The following CPLANE1 variants were observed in gnomAD, a reference collection of about 807,000 sequenced individuals.
The protein encoded by CPLANE1 is ciliogenesis and planar polarity effector 1.
Under a neutral mutation model 362.5 loss-of-function variants are expected in CPLANE1, and 263 were observed. That is an observed-to-expected ratio of 0.73 (90% CI 0.66 to 0.80). The LOEUF (loss-of-function observed/expected upper bound fraction) is 0.80. Among genes scored for constraint, CPLANE1 ranks in the 30% least tolerant of loss-of-function variants. The pLI is 0.00. For missense variants in CPLANE1, 3,461 were observed against 3,793.4 expected (o/e 0.91, Z 2.30); for synonymous variants, 1,212 against 1,302.6 (o/e 0.93, Z 1.50).
At chr5:37,103,716 G>T (rs952981097), downstream of CPLANE1, among the ~76,000 whole-genome samples, 2 of 152,116 alleles carry the variant, frequency 1.3e-5, no homozygotes, top group African/African-American at 2.4e-5. Context: ...TTGGCTTGTT[G>T]GGTTTCCACT....
In CPLANE1 at chr5:37,107,301, T is replaced by C. The variant is rs1272615673; in HGVS notation, c.*301A>G. 9.1e-7 allele frequency: 1 copy of C among 1,096,916 alleles called. No individual in the cohort carries two copies. The highest frequency in any genetic ancestry group is 1.1e-6 in the Non-Finnish European group (1 of 903,392). 67.9% of individuals were successfully genotyped at this position (1,096,916 alleles called of 1,614,324 possible). A position where few individuals can be genotyped will look rare whatever the true frequency, so the allele number is the denominator to read the frequency against. Reference sequence around the variant, plus strand: ...AGGAGGCAAGATAGAGGGTTTTTATTGAAAGTAGGTTATGCAAACTTGGCT... The same window carrying C: ...AGGAGGCAAGATAGAGGGTTTTTATCGAAAGTAGGTTATGCAAACTTGGCT... On this transcript the variant is annotated 3_prime_UTR_variant, in exon 53 of 53. Coordinates refer to ENST00000651892, the MANE Select transcript of CPLANE1 (RefSeq NM_001384732.1).
intron 20 of CPLANE1, among the ~76,000 whole-genome samples, chr5:37,196,714 G>A (rs561622698): frequency 5.8e-4 from 88 of 152,230 alleles, no homozygotes; most frequent in African/African-American, 2.0e-3. Context: ...ATCACTTGAC[G>A]TCAAGTTTGA....
At chr5:37,158,165 A>C in intron 39 of CPLANE1, 59 bp downstream of exon 39, 1 of 1,557,728 alleles carries the variant, frequency 6.4e-7, no homozygotes, top group Non-Finnish European at 8.8e-7. Context: ...TAATGTCTAC[A>C]TGACCATAAT....
At chr5:37,130,403 G>C (rs1190764885) in intron 46 of CPLANE1, 1 of 212,482 alleles carries the variant, frequency 4.7e-6, no homozygotes, top group Admixed American at 4.3e-5. Context: ...TAAAAAAAAA[G>C]AACCTGCATG....
chr5:37,138,901 T>A, intron 45 of CPLANE1, 53 bp from the exon 46 acceptor site: 1 of 1,468,630 alleles, frequency 6.8e-7, no homozygotes, highest in Non-Finnish European at 9.3e-7. Context: ...ACAACTTAAT[T>A]ACATTAAGCA....
the CPLANE1 span, among the ~76,000 whole-genome samples, chr5:37,084,784 C>CT: frequency 4.3e-4 from 65 of 149,496 alleles, no homozygotes; most frequent in African/African-American, 1.2e-3. Context: ...AAAAAGATAT[C>CT]TTTTTTTTTA....
At chr5:37,080,051 C>T in the CPLANE1 span, among the ~76,000 whole-genome samples, 1 of 152,142 alleles carries the variant, frequency 6.6e-6, no homozygotes, top group Non-Finnish European at 1.5e-5. Flanking sequence ...TGAAGATGAG[C>T]GGATATTCAA....
intron 46 of CPLANE1, among the ~76,000 whole-genome samples, chr5:37,132,337 G>GTTTTTT (rs70976278): frequency 1.7e-4 from 13 of 77,776 alleles, no homozygotes; most frequent in Admixed American, 3.6e-4. Context: ...GATTGTTCAA[G>GTTTTTT]TTTTTTTTTT....
In CPLANE1 at chr5:37,107,396, A is replaced by G. The variant is rs947304880; in HGVS notation, c.*206T>C. 1.1e-5 allele frequency: 14 copies of G among 1,262,608 alleles called. No homozygotes were observed. Among genetic ancestry groups the G allele is most frequent in the Non-Finnish European group, 1.3e-5 (13 of 1,000,554 alleles). 78.2% of individuals were successfully genotyped at this position (1,262,608 alleles called of 1,614,324 possible). A position where few individuals can be genotyped will look rare whatever the true frequency, so the allele number is the denominator to read the frequency against. Reference sequence around the variant, plus strand: ...AAATACAAAAACATATAATACATCAATAGTCAACCCTTTCCCCATAAAGGC... The same window carrying G: ...AAATACAAAAACATATAATACATCAGTAGTCAACCCTTTCCCCATAAAGGC... On this transcript the variant is annotated 3_prime_UTR_variant, in exon 53 of 53. Coordinates refer to ENST00000651892, the MANE Select transcript of CPLANE1 (RefSeq NM_001384732.1).
intron 20 of CPLANE1, among the ~76,000 whole-genome samples, chr5:37,198,308 A>G (rs1164940005): frequency 6.6e-6 from 1 of 152,212 alleles, no homozygotes; most frequent in Non-Finnish European, 1.5e-5. Flanking sequence ...ATGGAAACAG[A>G]CGAGAATGAA....
chr5:37,155,281 CCTCT>C (rs1287065327), intron 41 of CPLANE1, among the ~76,000 whole-genome samples: 2 of 152,296 alleles, frequency 1.3e-5, no homozygotes, highest in South Asian at 4.1e-4. Context: ...CATAATCTTC[CCTCT>C]CTCTACCTCT....
At chr5:37,106,140 T>C (rs914739640), downstream of CPLANE1, 1 of 151,934 alleles carries the variant, frequency 6.6e-6, no homozygotes, top group African/African-American at 2.4e-5. Flanking sequence ...AGTATGGAGG[T>C]TCCTCAAATA....
intron 37 of CPLANE1, 98 bp from the exon 38 acceptor site, chr5:37,162,664 G>T: frequency 1.3e-6 from 1 of 781,250 alleles, no homozygotes. Context: ...GTAAAATATG[G>T]GGTGTCAGGA....
chr5:37,179,902 G>T, intron 28 of CPLANE1, 115 bp downstream of exon 28: 1 of 551,828 alleles, frequency 1.8e-6, no homozygotes, highest in South Asian at 3.5e-5. Context: ...TTTTATTTTA[G>T]GCTACTGTAA....
chr5:37,127,002 G>A (rs1284130052), intron 46 of CPLANE1, among the ~76,000 whole-genome samples: 1 of 152,166 alleles, frequency 6.6e-6, no homozygotes, highest in Non-Finnish European at 1.5e-5. Context: ...ATGGCAGGCA[G>A]TATCTCCCCA....
chr5:37,168,536 T>A (rs1357665441), intron 34 of CPLANE1, among the ~76,000 whole-genome samples: 6 of 152,192 alleles, frequency 3.9e-5, no homozygotes, highest in Non-Finnish European at 8.8e-5. Context: ...AGCTTCTCCC[T>A]ATGTTACCCA....
At chr5:37,182,732 G>T (rs755676190) in intron 26 of CPLANE1, 28 bp downstream of exon 26, 2 of 1,328,700 alleles carry the variant, frequency 1.5e-6, no homozygotes, top group Non-Finnish European at 2.1e-6. Flanking sequence ...ATTCTCATTT[G>T]TAAGTAATAA....
intron 50 of CPLANE1, among the ~76,000 whole-genome samples, chr5:37,117,372 T>C (rs1761312585): frequency 6.6e-6 from 1 of 151,230 alleles, no homozygotes; most frequent in Non-Finnish European, 1.5e-5. Context: ...AAGAGGGACA[T>C]AAACATGTGG....
At chr5:37,093,731 A>G in the CPLANE1 span, among the ~76,000 whole-genome samples, 7 of 152,346 alleles carry the variant, frequency 4.6e-5, no homozygotes, top group East Asian at 1.4e-3. Flanking sequence ...TCTCCAATCA[A>G]TAAGACCCAA....
Sources: gnomAD v4.1 joint callset for allele counts (sites outside exome capture counted in the v4.1 genomes callset) on GRCh38, gnomAD v4.1.1 for gene constraint, MANE v1.5 for transcripts, NCBI Gene and HGNC (gene_info 2026-07-23, HGNC 2026-07-21) for gene names.